The following PDGFD variants were observed in gnomAD, a reference collection of about 807,000 sequenced individuals.
The protein encoded by PDGFD is platelet derived growth factor D.
In PDGFD, 30 loss-of-function variants were observed where a neutral mutation model predicts 44.7. The ratio of observed to expected loss-of-function variants is 0.67; its 90% CI spans 0.50 to 0.91. PDGFD has a LOEUF of 0.91. Ranked by LOEUF, PDGFD falls within the 40% of genes least tolerant of loss-of-function variation. The pLI, the probability that PDGFD is intolerant of heterozygous loss-of-function variation, is 0.00. For missense variants in PDGFD, 445 were observed against 457.8 expected, an observed-to-expected ratio of 0.97 and a Z score of 0.25; for synonymous variants, 173 against 168.4, an observed-to-expected ratio of 1.03 and a Z score of -0.21.
intron 5 of PDGFD, among the ~76,000 whole-genome samples, chr11:103,939,006 T>C (rs928054406): frequency 1.5e-4 from 23 of 152,186 alleles, no homozygotes; most frequent in African/African-American, 5.5e-4. Flanking sequence ...CCAGCTTTGT[T>C]CTTTTGGCTT....
chr11:103,961,881 A>G (rs1419454600), intron 3 of PDGFD, among the ~76,000 whole-genome samples: 1 of 152,338 alleles, frequency 6.6e-6, no homozygotes, highest in East Asian at 1.9e-4. Flanking sequence ...GTCTCTTGAC[A>G]TACTGTACTG....
At chr11:104,109,250 G>A (rs757733784) in intron 1 of PDGFD, among the ~76,000 whole-genome samples, 5 of 151,978 alleles carry the variant, frequency 3.3e-5, no homozygotes, top group Non-Finnish European at 7.4e-5. Flanking sequence ...AAGAACACAA[G>A]TGAAAGTTTA....
Position 103,954,320 on chromosome 11 carries a change from T to G in PDGFD, c.511-6596A>C, listed in dbSNP as rs1319474678. Among the ~76,000 whole-genome samples the G allele has an allele frequency of 2.0e-5, 3 of 152,236 alleles. No homozygotes were observed. In the East Asian group the frequency reaches 5.8e-4, roughly 29 times the overall value. On this transcript the variant is annotated intron_variant, in intron 3 of 6. Coordinates refer to ENST00000393158, the MANE Select transcript of PDGFD (RefSeq NM_025208.5). ...TGGATGTCCAAAGAAATCCCTCTCCTGTCCCTTGATACCACGTGGAGCTAG... is the reference window on the plus strand; with the variant it reads ...TGGATGTCCAAAGAAATCCCTCTCCGGTCCCTTGATACCACGTGGAGCTAG...
At chr11:103,970,366 C>T (rs145766012) in intron 3 of PDGFD, among the ~76,000 whole-genome samples, 1,994 of 152,064 alleles carry the variant, frequency 0.013, 46 homozygotes, top group African/African-American at 0.043. Context: ...CCTGAAATTT[C>T]GAACGAGAAA....
intron 1 of PDGFD, among the ~76,000 whole-genome samples, chr11:104,060,391 C>G (rs1309046865): frequency 1.3e-5 from 2 of 152,088 alleles, no homozygotes; most frequent in Admixed American, 1.3e-4. Flanking sequence ...GGCCCAGAGG[C>G]CTGGAGGAGT....
chr11:104,118,024 C>A (rs1235857515), intron 1 of PDGFD, among the ~76,000 whole-genome samples: 5 of 151,890 alleles, frequency 3.3e-5, no homozygotes, highest in Non-Finnish European at 7.4e-5. Flanking sequence ...AAGATTGTAT[C>A]CTACAACCTT....
chr11:103,954,470 G>T (rs10895549), intron 3 of PDGFD, among the ~76,000 whole-genome samples: 47,944 of 152,066 alleles, frequency 0.32, 7,988 homozygotes, highest in South Asian at 0.39. Flanking sequence ...TTTTATCCTA[G>T]GTGATTATGC....
At chr11:103,949,545 T>C (rs1435644202) in intron 3 of PDGFD, among the ~76,000 whole-genome samples, 1 of 152,206 alleles carries the variant, frequency 6.6e-6, no homozygotes, top group Non-Finnish European at 1.5e-5. Flanking sequence ...GTGGAGGACA[T>C]ATGCCAGGTA....
chr11:104,092,652 G>C (rs7116655), intron 1 of PDGFD, among the ~76,000 whole-genome samples: 9,563 of 152,184 alleles, frequency 0.063, 350 homozygotes, highest in African/African-American at 0.1. Context: ...TATATTAATA[G>C]AGTCATATCA....
At chr11:104,115,445 C>T (rs1295093856) in intron 1 of PDGFD, among the ~76,000 whole-genome samples, 1 of 151,366 alleles carries the variant, frequency 6.6e-6, no homozygotes, top group Non-Finnish European at 1.5e-5. Flanking sequence ...AATTGATGGA[C>T]ATTTGGGTTT....
chr11:103,974,246 T>A (rs1419743559), intron 3 of PDGFD, among the ~76,000 whole-genome samples: 1 of 152,154 alleles, frequency 6.6e-6, no homozygotes, highest in Non-Finnish European at 1.5e-5. Flanking sequence ...TATACCTTCA[T>A]TCCCAAGTTT....
chr11:104,003,063 T>TA (rs1216457205), intron 1 of PDGFD, among the ~76,000 whole-genome samples: 1 of 152,230 alleles, frequency 6.6e-6, no homozygotes, highest in African/African-American at 2.4e-5. Context: ...GGATAGAATT[T>TA]AAAAATGTTT....
At chr11:104,033,802 G>A (rs923509630) in intron 1 of PDGFD, among the ~76,000 whole-genome samples, 1 of 152,180 alleles carries the variant, frequency 6.6e-6, no homozygotes, top group Non-Finnish European at 1.5e-5. Flanking sequence ...GTTTGCATGT[G>A]ACATCTCACA....
intron 3 of PDGFD, among the ~76,000 whole-genome samples, chr11:103,955,821 T>C (rs913131051): frequency 2.7e-4 from 41 of 152,060 alleles, no homozygotes; most frequent in African/African-American, 9.7e-4. Flanking sequence ...ATAAGAAATA[T>C]AGATAAGACA....
chr11:103,961,740 A>G (rs1161367969), intron 3 of PDGFD, among the ~76,000 whole-genome samples: 2 of 152,142 alleles, frequency 1.3e-5, no homozygotes, highest in African/African-American at 4.8e-5. Context: ...CTGGAGAAAA[A>G]GAAACAAAAA....
chr11:104,008,959 C>T (rs1433077726), intron 1 of PDGFD, among the ~76,000 whole-genome samples: 1 of 151,924 alleles, frequency 6.6e-6, no homozygotes, highest in Non-Finnish European at 1.5e-5. Flanking sequence ...AAATAAAAGG[C>T]AATTTTATCA....
intron 3 of PDGFD, among the ~76,000 whole-genome samples, chr11:103,953,908 T>C (rs780701955): frequency 5.9e-5 from 9 of 152,198 alleles, no homozygotes; most frequent in Non-Finnish European, 1.5e-5. Flanking sequence ...CACAAACTTT[T>C]AATGTCTTTA....
chr11:104,074,255 A>T (rs1370140093), intron 1 of PDGFD, among the ~76,000 whole-genome samples: 1 of 152,186 alleles, frequency 6.6e-6, no homozygotes, highest in East Asian at 1.9e-4. Flanking sequence ...GATTAGTAGA[A>T]GCACCCAGCT....
rs181420497 is a variant in PDGFD at position 103,958,617 on chromosome 11, T to G, written c.511-10893A>C. On this transcript the variant is annotated intron_variant, in intron 3 of 6. Coordinates refer to ENST00000393158, the MANE Select transcript of PDGFD (RefSeq NM_025208.5). ...TGCCTGGTACATAGTAAGCACTCTT[T>G]TTTGTTTGTTTGGTTTGTTTTTATT... Among the ~76,000 whole-genome samples, 11 of 152,294 alleles carry G rather than the reference T, an allele frequency of 7.2e-5. No individual in the cohort carries two copies. In the East Asian group the frequency reaches 2.1e-3, roughly 29 times the overall value.
Sources: gnomAD v4.1 joint callset for allele counts (sites outside exome capture counted in the v4.1 genomes callset) on GRCh38, gnomAD v4.1.1 for gene constraint, MANE v1.5 for transcripts, NCBI Gene and HGNC (gene_info 2026-07-23, HGNC 2026-07-21) for gene names.